SCFD2: variants seen among roughly 807,000 people sequenced by gnomAD.
SCFD2 encodes the protein sec1 family domain containing 2.
SCFD2 carries 54 observed loss-of-function variants against 58.9 expected under a neutral mutation model. The ratio of observed to expected loss-of-function variants is 0.92; its 90% CI spans 0.74 to 1.15. The LOEUF is 1.15. Ranked by LOEUF, SCFD2 falls within the 50% of genes most tolerant of loss-of-function variation. The pLI, the probability that SCFD2 is intolerant of heterozygous loss-of-function variation, is 0.00. For missense variants in SCFD2, 805 were observed against 836.6 expected, an observed-to-expected ratio of 0.96 and a Z score of 0.47; for synonymous variants, 321 against 335.9, an observed-to-expected ratio of 0.96 and a Z score of 0.49.
At chr4:53,067,117 G>A (rs1413110353) in intron 5 of SCFD2, among the ~76,000 whole-genome samples, 5 of 151,998 alleles carry the variant, frequency 3.3e-5, no homozygotes. Flanking sequence ...GTCAAACAAA[G>A]TAGAATGCTA....
intron 4 of SCFD2, among the ~76,000 whole-genome samples, chr4:53,148,147 C>G (rs1036616511): frequency 6.6e-6 from 1 of 152,042 alleles, no homozygotes; most frequent in African/African-American, 2.4e-5. Context: ...CTCTGGGTCT[C>G]CCCCCAGAGC....
At chr4:53,006,165 T>G (rs1721967337) in intron 5 of SCFD2, among the ~76,000 whole-genome samples, 1 of 152,212 alleles carries the variant, frequency 6.6e-6, no homozygotes, top group Non-Finnish European at 1.5e-5. Context: ...GTTCCCAAGA[T>G]GGGCTCTGAA....
chr4:53,162,702 GGTGGGGGGA>G (rs889480061), intron 4 of SCFD2, among the ~76,000 whole-genome samples: 17 of 151,818 alleles, frequency 1.1e-4, no homozygotes, highest in African/African-American at 3.9e-4. Context: ...ACTGTTGTGG[GGTGGGGGGA>G]GTGGGGAGGG....
chr4:53,212,604 G>A (rs1195021591), intron 4 of SCFD2, among the ~76,000 whole-genome samples: 3 of 145,868 alleles, frequency 2.1e-5, no homozygotes, highest in African/African-American at 7.5e-5. Context: ...GTGTGTGTGT[G>A]TGTGCATGTG....
At chr4:53,229,775 T>C (rs1329259338) in intron 4 of SCFD2, among the ~76,000 whole-genome samples, 1 of 152,128 alleles carries the variant, frequency 6.6e-6, no homozygotes, top group Non-Finnish European at 1.5e-5. Context: ...ACAAATGGGA[T>C]CTCATTAAAC....
chr4:52,953,527 C>T (rs1720647786), intron 5 of SCFD2, among the ~76,000 whole-genome samples: 1 of 152,192 alleles, frequency 6.6e-6, no homozygotes, highest in Admixed American at 6.5e-5. Flanking sequence ...CATGCAGCCC[C>T]TGAAGGTGGT....
At chr4:53,281,301 G>A (rs974646714) in intron 3 of SCFD2, among the ~76,000 whole-genome samples, 2 of 152,192 alleles carry the variant, frequency 1.3e-5, no homozygotes, top group Non-Finnish European at 2.9e-5. Context: ...TTACAAGGTT[G>A]CATAGATTTT....
intron 2 of SCFD2, among the ~76,000 whole-genome samples, chr4:53,331,796 A>C (rs1344264955): frequency 2.6e-5 from 4 of 152,204 alleles, no homozygotes; most frequent in African/African-American, 4.8e-5. Flanking sequence ...CAAAAAATTA[A>C]TGAATCCAGG....
intron 2 of SCFD2, among the ~76,000 whole-genome samples, chr4:53,338,642 G>A (rs1270278920): frequency 3.9e-5 from 5 of 128,256 alleles, no homozygotes; most frequent in South Asian, 2.6e-4. Flanking sequence ...GTGCAGTGGC[G>A]GGATCTCGGC....
At chr4:52,951,713 C>T (rs1720598171) in intron 5 of SCFD2, among the ~76,000 whole-genome samples, 1 of 152,140 alleles carries the variant, frequency 6.6e-6, no homozygotes, top group Admixed American at 6.5e-5. Context: ...TCTTCTTTCC[C>T]CACCATAGTT....
At chr4:53,274,249 T>G (rs17082557) in intron 3 of SCFD2, among the ~76,000 whole-genome samples, 15,060 of 152,216 alleles carry the variant, frequency 0.099, 1,123 homozygotes, top group South Asian at 0.21. Flanking sequence ...AAGGTCATGT[T>G]GCCAGTAGAA....
intron 3 of SCFD2, among the ~76,000 whole-genome samples, chr4:53,298,802 T>C (rs1337281649): frequency 6.6e-6 from 1 of 152,160 alleles, no homozygotes; most frequent in Non-Finnish European, 1.5e-5. Context: ...TCCGCTGTTC[T>C]GCAGCCACCG....
chr4:52,981,252 A>G (rs1321168486), intron 5 of SCFD2, among the ~76,000 whole-genome samples: 1 of 152,208 alleles, frequency 6.6e-6, no homozygotes, highest in East Asian at 1.9e-4. Flanking sequence ...ACAAACTCAC[A>G]TGGAGCTGGT....
At chr4:52,958,236 A>C (rs1720755998) in intron 5 of SCFD2, 1 of 152,226 alleles carries the variant, frequency 6.6e-6, no homozygotes, top group South Asian at 2.1e-4. Flanking sequence ...ATTTGATTCC[A>C]GTCTTTATTG....
At chr4:53,238,348 C>CG (rs779264998) in intron 4 of SCFD2, among the ~76,000 whole-genome samples, 99,853 of 100,796 alleles carry the variant, frequency 0.99, 49,499 homozygotes, top group Middle Eastern at 1. Context: ...GCTGGCCGGG[C>CG]GGGGGCTGAT....
chr4:53,226,974 G>A (rs978662958), intron 4 of SCFD2, among the ~76,000 whole-genome samples: 5 of 152,170 alleles, frequency 3.3e-5, no homozygotes, highest in Admixed American at 2.0e-4. Context: ...TCCCTAATGA[G>A]GTGCATTTCA....
intron 4 of SCFD2, among the ~76,000 whole-genome samples, chr4:53,227,155 T>A (rs1013937421): frequency 7.9e-5 from 12 of 152,126 alleles, no homozygotes; most frequent in African/African-American, 2.9e-4. Flanking sequence ...CTGACCTTCT[T>A]CAGTGATGAA....
At chr4:53,230,148 A>G (rs541599319) in intron 4 of SCFD2, among the ~76,000 whole-genome samples, 1 of 152,214 alleles carries the variant, frequency 6.6e-6, no homozygotes, top group African/African-American at 2.4e-5. Context: ...ATGTGGAGAA[A>G]TAGGAACACT....
chr4:53,170,207 G>A (rs1727139694), intron 4 of SCFD2, among the ~76,000 whole-genome samples: 1 of 151,908 alleles, frequency 6.6e-6, no homozygotes, highest in Admixed American at 6.6e-5. Flanking sequence ...TTTTGTATAT[G>A]GTGTGAGATA....
Sources: allele counts gnomAD v4.1 joint callset (sites outside exome capture counted in the v4.1 genomes callset), GRCh38; gene constraint gnomAD v4.1.1; transcripts MANE v1.5; gene names NCBI Gene and HGNC (gene_info 2026-07-23, HGNC 2026-07-21).